Variants in GSG1 observed in about 807,000 individuals in gnomAD.
The protein encoded by GSG1 is germ cell-specific gene 1 protein.
A neutral mutation model predicts 30.8 loss-of-function variants in GSG1; 28 were observed. The ratio of observed to expected loss-of-function variants is 0.91; its 90% CI spans 0.67 to 1.25. The LOEUF (loss-of-function observed/expected upper bound fraction) is 1.25, where lower values mean the gene tolerates loss of function less well. Ranked by LOEUF, GSG1 falls within the 50% of genes most tolerant of loss-of-function variation. GSG1 has a pLI of 0.00. For missense variants in GSG1, 435 were observed against 444.7 expected (o/e 0.98, Z 0.20); for synonymous variants, 162 against 178.0 (o/e 0.91, Z 0.71).
chr12:13,089,900 T>C (rs1865914956), intron 2 of GSG1, among the ~76,000 whole-genome samples: 1 of 152,094 alleles, frequency 6.6e-6, no homozygotes, highest in South Asian at 2.1e-4. Flanking sequence ...AAATACAAAA[T>C]TAGCCGGGTA....
At chr12:13,085,700 C>T (rs1042274052) in intron 6 of GSG1, among the ~76,000 whole-genome samples, 3 of 152,112 alleles carry the variant, frequency 2.0e-5, no homozygotes, top group African/African-American at 7.2e-5. Context: ...AGATGTCCCC[C>T]CACTCAGATG....
intron 6 of GSG1, among the ~76,000 whole-genome samples, chr12:13,085,640 C>T (rs908050919): frequency 3.9e-5 from 6 of 152,040 alleles, no homozygotes; most frequent in Non-Finnish European, 7.4e-5. Context: ...ACATAACCTA[C>T]TGCATACCCT....
chr12:13,086,624 T>G (rs1865548555), intron 6 of GSG1, among the ~76,000 whole-genome samples: 1 of 152,296 alleles, frequency 6.6e-6, no homozygotes, highest in South Asian at 2.1e-4. Context: ...CTTAGTTCTT[T>G]AAGGGTTAGA....
Position 13,084,396 on chromosome 12 carries a change from C to G in GSG1, c.*505G>C, listed in dbSNP as rs1865321331. On this transcript the variant is annotated 3_prime_UTR_variant, in exon 7 of 7. Coordinates refer to ENST00000651961, the MANE Select transcript of GSG1 (RefSeq NM_001080555.4). Reference sequence around the variant, plus strand: ...GTACCTACTGTGTGGATGCAGGACACTGTCCCAGGCAGTGTGGAGGACTTC... The same window carrying G: ...GTACCTACTGTGTGGATGCAGGACAGTGTCCCAGGCAGTGTGGAGGACTTC... 1 of 153,922 alleles carries G rather than the reference C, an allele frequency of 6.5e-6. No homozygotes were observed. 9.5% of individuals were successfully genotyped at this position (153,922 alleles called of 1,614,324 possible). A position where few individuals can be genotyped will look rare whatever the true frequency, so the allele number is the denominator to read the frequency against.
At chr12:13,086,973 C>G in intron 6 of GSG1, among the ~76,000 whole-genome samples, 179 bp downstream of exon 6, 1 of 152,144 alleles carries the variant, frequency 6.6e-6, no homozygotes, top group East Asian at 1.9e-4. Context: ...TCCTGTACCC[C>G]CTCAGAAGGC....
intron 1 of GSG1, among the ~76,000 whole-genome samples, chr12:13,100,961 C>G (rs542877718): frequency 1.4e-3 from 215 of 152,338 alleles, no homozygotes; most frequent in Middle Eastern, 3.4e-3. Context: ...ATCGGGGCCT[C>G]GTTCTCGTCT....
In GSG1 at chr12:13,088,024, A is replaced by G. The variant is rs1415105569; in HGVS notation, c.517T>C (p.Tyr173His). Residue 173 changes from tyrosine to histidine, a missense_variant, in exon 5 of 7, where the codon TAC (tyrosine) becomes CAC (histidine). By Grantham distance (83) the Tyr-to-His change is moderately conservative. Coordinates refer to ENST00000651961, the MANE Select transcript of GSG1 (RefSeq NM_001080555.4). ...LWLSLGTQIT[Y>H]IGLQFISFLL... The stretch of plus-strand genomic sequence containing the variant: ...AAGCTGATGAATTGAAGTCCGATGT[A>G]GGTGATCTGCGTTCCCAGGGATAAC... 1.5e-5 allele frequency: 25 copies of G among 1,614,268 alleles called. No homozygotes were observed. In the East Asian group the frequency reaches 3.6e-4, roughly 23 times the overall value.
Position 13,090,954 on chromosome 12 carries a change from C to CCTCT in GSG1, c.49-140_49-137dup, listed in dbSNP as rs1465373436. 133 of 724,954 alleles carry CCTCT rather than the reference C, an allele frequency of 1.8e-4. No homozygotes were observed. In the South Asian group the frequency reaches 2.4e-3, roughly 13 times the overall value. The allele number at this position is 724,954 out of a possible 1,614,324, so 44.9% of individuals were successfully genotyped here. On this transcript the variant is annotated intron_variant, in intron 1 of 6. Coordinates refer to ENST00000651961, the MANE Select transcript of GSG1 (RefSeq NM_001080555.4). ...CTCCAAGGCAGATAGGCACAACCCGCCTCTGACATTTTTCTCCAGGGGCCG... is the reference window on the plus strand; with the variant it reads ...CTCCAAGGCAGATAGGCACAACCCGCCTCTCTCTGACATTTTTCTCCAGGGGCCG...
At chr12:13,088,283 G>A (rs1037431496) in intron 4 of GSG1, among the ~76,000 whole-genome samples, 2 of 148,006 alleles carry the variant, frequency 1.4e-5, no homozygotes, top group South Asian at 2.1e-4. Flanking sequence ...AAGCTTGACT[G>A]ACTGTAAATA....
rs1866387256 is a variant in GSG1, at chr12:13,093,726, T to C, written c.49-2908A>G. On this transcript the variant is annotated intron_variant, in intron 1 of 6. Transcript: ENST00000651961. This position sits in a 1 kb window ranked among gnomAD's most constrained non-coding sequence, Gnocchi z 4.6. ...ACCTGGAGGGCCGTGTCTTCCAGCC[T>C]GGTGCAGAAGTGCCTGCCTCACAGT... Among the ~76,000 whole-genome samples, 1 of 152,166 alleles carries C rather than the reference T, an allele frequency of 6.6e-6. No individual in the cohort carries two copies.
At chr12:13,095,400 C>T (rs1317050285) in intron 1 of GSG1, among the ~76,000 whole-genome samples, 1 of 152,134 alleles carries the variant, frequency 6.6e-6, no homozygotes, top group East Asian at 1.9e-4. Flanking sequence ...ACACTTGGGC[C>T]CTTAGATCAT....
chr12:13,098,101 A>T (rs1238041100), intron 1 of GSG1, among the ~76,000 whole-genome samples: 1 of 147,452 alleles, frequency 6.8e-6, no homozygotes, highest in African/African-American at 2.5e-5. Context: ...GACAGAACTC[A>T]CTCTCCTTTG....
At chr12:13,094,951 T>C (rs1274199798) in intron 1 of GSG1, among the ~76,000 whole-genome samples, 2 of 152,204 alleles carry the variant, frequency 1.3e-5, no homozygotes, top group Non-Finnish European at 2.9e-5. Context: ...ATACACCCAC[T>C]TTGTGGCACC....
chr12:13,102,673 G>A (rs1863299883), intron 1 of GSG1, among the ~76,000 whole-genome samples: 1 of 152,226 alleles, frequency 6.6e-6, no homozygotes, highest in African/African-American at 2.4e-5. Context: ...GTGTTGGAGT[G>A]TATGTACGTG....
At chr12:13,095,657 C>T (rs1866608308) in intron 1 of GSG1, 1 of 1,613,970 alleles carries the variant, frequency 6.2e-7, no homozygotes, top group Non-Finnish European at 8.5e-7. Context: ...GCCATCTGCA[C>T]TCCAAGTCCC....
Position 13,085,159 on chromosome 12 carries a change from C to G in GSG1, c.831G>C (p.Lys277Asn), listed in dbSNP as rs760077946. The G allele has an allele frequency of 1.9e-6, 3 of 1,614,084 alleles. No homozygotes were observed. The highest frequency in any genetic ancestry group is 2.2e-5 in the South Asian group (2 of 91,084). ...CCTTGAAGCTCTTACTATGCTTGCA[C>G]TTGAACTCCAGCACCATCCTGGTGT... is the stretch of plus-strand genomic sequence containing the variant. ...NTYTRMVLEF[K>N]CKHSKSFKEN... The change falls in exon 7 of 7, where the codon AAG (lysine) becomes AAC (asparagine). Residue 277 changes from lysine to asparagine, a missense_variant. Coordinates refer to ENST00000651961, the MANE Select transcript of GSG1 (RefSeq NM_001080555.4).
intron 6 of GSG1, among the ~76,000 whole-genome samples, chr12:13,086,380 C>G (rs1456804227): frequency 1.3e-5 from 2 of 152,178 alleles, no homozygotes; most frequent in East Asian, 3.8e-4. Flanking sequence ...AACAGACTTG[C>G]AGGCTTCCTT....
chr12:13,087,983 TGTTA>T lies in GSG1; in HGVS notation c.554_557del (p.Leu185GlnfsTer15), dbSNP rs779248084. 6.2e-7 allele frequency: 1 copy of T among 1,614,262 alleles called. No homozygotes were observed. Among genetic ancestry groups the T allele is most frequent in the Admixed American group, 1.7e-5 (1 of 60,026 alleles). Reference sequence around the variant, plus strand: ...CAGGGTTCCCAGTGAGTAGCAAGTCTGTTAGTAGCAGGAGGAAGCTGATGAATTG... The same window carrying T: ...CAGGGTTCCCAGTGAGTAGCAAGTCTGTAGCAGGAGGAAGCTGATGAATTG... On this transcript the variant is annotated frameshift_variant, in exon 5 of 7. Transcript: ENST00000651961. LOFTEE classifies it high-confidence loss of function.
At chr12:13,089,022 G>T in intron 3 of GSG1, 113 bp from the exon 4 acceptor site, 1 of 1,366,784 alleles carries the variant, frequency 7.3e-7, no homozygotes, top group South Asian at 1.3e-5. Flanking sequence ...CACCTGCCCC[G>T]CATAGAGCAG....
Sources: gnomAD v4.1 joint callset for allele counts (sites outside exome capture counted in the v4.1 genomes callset) on GRCh38, gnomAD v4.1.1 for gene constraint, Gnocchi (gnomAD v3.1) non-coding constraint, MANE v1.5 for transcripts, NCBI Gene and HGNC (gene_info 2026-07-23, HGNC 2026-07-21) for gene names.